The following MMP10 variants were observed in gnomAD, a reference collection of about 807,000 sequenced individuals.
MMP10 encodes matrix metallopeptidase 10.
In MMP10, 50 loss-of-function variants were observed where a neutral mutation model predicts 49.1. The ratio of observed to expected loss-of-function variants is 1.02; its 90% confidence interval spans 0.81 to 1.29. MMP10 has a LOEUF of 1.29. MMP10 is among the 50% of genes most tolerant of loss of function. The pLI, the probability that MMP10 is intolerant of heterozygous loss-of-function variation, is 0.00. For synonymous variants in MMP10, 229 were observed against 201.6 expected, an observed-to-expected ratio of 1.14 and a Z score of -1.15; for missense variants, 613 against 563.8, an observed-to-expected ratio of 1.09 and a Z score of -0.88.
chr11:102,777,900 T>C (rs889227831), intron 4 of MMP10, among the ~76,000 whole-genome samples: 7 of 151,664 alleles, frequency 4.6e-5, no homozygotes, highest in Admixed American at 2.0e-4. Context: ...CTCCATCTCC[T>C]GGGTTCAGTG....
In MMP10 at chr11:102,776,654, G is replaced by C. The variant is rs760322677; in HGVS notation, c.745C>G (p.Arg249Gly). The change falls in exon 5 of 10, where the codon CGC becomes GGC. Residue 249 changes from arginine (R) to glycine (G), a missense_variant. Arg to Gly is a moderately radical substitution (Grantham distance 125, BLOSUM62 -2). Coordinates refer to ENST00000279441, the MANE Select transcript of MMP10 (RefSeq NM_002425.3). ...YNSFTELAQF[R>G]LSQDDVNGIQ... is the part of the protein sequence containing the mutation. Reference sequence around the variant, plus strand: ...CCATTCACATCATCTTGCGAAAGGCGGAACTGGGCGAGCTCTGTGAATGAG... The same window carrying C: ...CCATTCACATCATCTTGCGAAAGGCCGAACTGGGCGAGCTCTGTGAATGAG... The C allele has an allele frequency of 1.3e-5, 21 of 1,613,504 alleles. No individual in the cohort carries two copies. The highest frequency in any genetic ancestry group is 1.8e-5 in the Non-Finnish European group (21 of 1,179,880).
intron 4 of MMP10, 79 bp downstream of exon 4, chr11:102,778,545 C>A: frequency 1.3e-6 from 2 of 1,541,694 alleles, no homozygotes; most frequent in South Asian, 2.4e-5. Context: ...CGATTTATTG[C>A]TCGTTCTAGA....
chr11:102,772,278 C>A lies in MMP10; in HGVS notation c.1227-163G>T, dbSNP rs1220728118. On this transcript the variant is annotated intron_variant, in intron 8 of 9. Transcript: ENST00000279441. The surrounding 1 kb of genome is among the most constrained non-coding windows in gnomAD (Gnocchi z 4.4). ...TAGAGCTACAAGAATAGGTTACTTT[C>A]CTGGGCTTACAAGTTTAACACATAA... Among the ~76,000 whole-genome samples, 1 of 152,130 alleles carries A rather than the reference C, an allele frequency of 6.6e-6. No homozygotes were observed. Among genetic ancestry groups the A allele is most frequent in the Non-Finnish European group, 1.5e-5 (1 of 68,030 alleles).
In MMP10 at chr11:102,775,208, T is replaced by A. The variant is rs1437804275; in HGVS notation, c.1046A>T (p.Asp349Val). 2 of 1,598,874 alleles carry A rather than the reference T, an allele frequency of 1.3e-6. No homozygotes were observed. Among genetic ancestry groups the A allele is most frequent in the Non-Finnish European group, 8.5e-7 (1 of 1,172,836 alleles). Residue 349 changes from aspartate (D) to valine (V), a missense_variant, in exon 7 of 10, where the codon GAC becomes GTC. Coordinates refer to ENST00000279441, the MANE Select transcript of MMP10 (RefSeq NM_002425.3). ...CTCACCTTTAAAAATAAAAACGGTG[T>A]CCCTGCTGTTAACTTCATATGCAGC... ...LDAAYEVNSR[D>V]TVFIFKGNEF...
chr11:102,771,424 T>C (rs1001036545), intron 9 of MMP10, among the ~76,000 whole-genome samples: 2 of 152,148 alleles, frequency 1.3e-5, no homozygotes, highest in South Asian at 2.1e-4. Flanking sequence ...CTCATGACCA[T>C]TGGATTGTCA....
In MMP10 at chr11:102,778,610, G is replaced by T. The variant is rs1439332460; in HGVS notation, c.622+14C>A. On this transcript the variant is annotated intron_variant, in intron 4 of 9. Transcript: ENST00000279441. Reference sequence around the variant, plus strand: ...CATTATTCCTGAAATGTTCCCGAGAGGTTTACGACCCACCTGATGCATCTT... The same window carrying T: ...CATTATTCCTGAAATGTTCCCGAGATGTTTACGACCCACCTGATGCATCTT... The T allele has an allele frequency of 1.2e-6, 2 of 1,613,092 alleles. No individual in the cohort carries two copies. Among genetic ancestry groups the T allele is most frequent in the Admixed American group, 3.4e-5 (2 of 59,656 alleles).
chr11:102,776,626 A>C lies in MMP10; in HGVS notation c.773T>G (p.Ile258Ser), dbSNP rs183383744. 16 of 1,613,232 alleles carry C rather than the reference A, an allele frequency of 9.9e-6. No individual in the cohort carries two copies. The Admixed American group carries it at 2.5e-4, about 25-fold the overall frequency. ...FRLSQDDVNG[I>S]QSLYGPPPAS... ...GCATCACTCACCGTAGAGAGACTGA[A>C]TGCCATTCACATCATCTTGCGAAAG... The change falls in exon 5 of 10, where the codon ATT (isoleucine) becomes AGT (serine). Residue 258 changes from isoleucine to serine, a missense_variant. By Grantham distance (142) the Ile-to-Ser change is moderately radical. Transcript: ENST00000279441.
chr11:102,776,373 G>C lies in MMP10; in HGVS notation c.839C>G (p.Pro280Arg). 2 of 1,613,894 alleles carry C rather than the reference G, an allele frequency of 1.2e-6. No homozygotes were observed. The highest frequency in any genetic ancestry group is 2.2e-5 in the South Asian group (2 of 91,070). ...EEPLVPTKSVPSGSEMPAKCD... is the reference protein window; with the variant it reads ...EEPLVPTKSVRSGSEMPAKCD... ...CTTGGCTGGCATCTCAGATCCCGAA[G>C]GAACAGATTTTGTGGGCACCAGGGG... is the stretch of plus-strand genomic sequence containing the variant. The change falls in exon 6 of 10, where the codon CCT (proline) becomes CGT (arginine). Residue 280 changes from proline (P) to arginine (R), a missense_variant. Coordinates refer to ENST00000279441, the MANE Select transcript of MMP10 (RefSeq NM_002425.3).
rs766370314 is a variant in MMP10, at chr11:102,779,768, G to A, written c.106-23C>T. 1.9e-6 allele frequency: 3 copies of A among 1,586,342 alleles called. No individual in the cohort carries two copies. The Admixed American group carries it at 5.3e-5, about 28-fold the overall frequency. On this transcript the variant is annotated intron_variant, in intron 1 of 9. Transcript: ENST00000279441. ...TTGCTAATGGAAAATAGAATTTTTA[G>A]GGCATTTTTGTGATTTTCCATCATT...
Position 102,772,082 on chromosome 11 carries a change from G to T in MMP10, c.1260C>A (p.Gly420=). The change falls in exon 9 of 10, where the codon GGC becomes GGA. Residue 420 remains glycine, a synonymous_variant. Transcript: ENST00000279441. This position sits in a 1 kb window ranked among gnomAD's most constrained non-coding sequence, Gnocchi z 4.4. ...FDENSQSMEQ[G]FPRLIADDFP... ...AGTCATCAGCTATTAGTCTAGGGAA[G>T]CCTTGCTCCATGGACTGGCTATTTT... 6.2e-7 allele frequency: 1 copy of T among 1,613,378 alleles called. No individual in the cohort carries two copies. Among genetic ancestry groups the T allele is most frequent in the Non-Finnish European group, 8.5e-7 (1 of 1,179,454 alleles).
chr11:102,776,894 G>A (rs373072381), intron 4 of MMP10, 118 bp from the exon 5 acceptor site: 8 of 1,198,702 alleles, frequency 6.7e-6, no homozygotes, highest in South Asian at 4.1e-5. Context: ...TTCAGTATTT[G>A]TGGATTGGTT....
At position 102,772,234 on chromosome 11, in the gene MMP10, A is replaced by G; in HGVS notation, c.1227-119T>C. On this transcript the variant is annotated intron_variant, in intron 8 of 9. Coordinates refer to ENST00000279441, the MANE Select transcript of MMP10 (RefSeq NM_002425.3). This position sits in a 1 kb window ranked among gnomAD's most constrained non-coding sequence, Gnocchi z 4.4. ...CTAGACAAACTTTTTAAGTTGTGTA[A>G]AAAAGTGTTAAACATTTTTAGAGCT... The G allele has an allele frequency of 3.2e-6, 2 of 616,836 alleles. No individual in the cohort carries two copies. Among genetic ancestry groups the G allele is most frequent in the South Asian group, 4.8e-5 (2 of 41,522 alleles). The allele number at this position is 616,836 out of a possible 1,614,324, so 38.2% of individuals were successfully genotyped here.
Position 102,779,611 on chromosome 11 carries a change from A to T in MMP10, c.240T>A (p.Thr80=), listed in dbSNP as rs1174556362. The change falls in exon 2 of 10, where the codon ACT becomes ACA. Residue 80 remains threonine (T), a synonymous_variant. Transcript: ENST00000279441. ...GCTTGCGCATCACCTCCAGAGTGTC[A>T]GTGTCTAGCTTCCCTGTCACCTCCA... ...LGLEVTGKLD[T]DTLEVMRKPR... The T allele has an allele frequency of 6.2e-7, 1 of 1,614,072 alleles. No homozygotes were observed. The highest frequency in any genetic ancestry group is 8.5e-7 in the Non-Finnish European group (1 of 1,180,012).
At position 102,775,441 on chromosome 11, in the gene MMP10, C is replaced by T. The variant is rs1477605548; in HGVS notation, c.933-120G>A. The stretch of plus-strand genomic sequence containing the variant: ...ATAGAAGTCTGTATTAAACCATCCT[C>T]CTGCATGTGATTCCAGGGTAATGAA... On this transcript the variant is annotated intron_variant, in intron 6 of 9. Coordinates refer to ENST00000279441, the MANE Select transcript of MMP10 (RefSeq NM_002425.3). 6 of 695,044 alleles carry T rather than the reference C, an allele frequency of 8.6e-6. No homozygotes were observed. In the East Asian group the frequency reaches 1.2e-4, roughly 14 times the overall value. The allele number at this position is 695,044 out of a possible 1,614,324, so 43.1% of individuals were successfully genotyped here.
At position 102,770,685 on chromosome 11, in the gene MMP10, C is replaced by T. The variant is rs1439244567; in HGVS notation, c.*108G>A. On this transcript the variant is annotated 3_prime_UTR_variant, in exon 10 of 10. Coordinates refer to ENST00000279441, the MANE Select transcript of MMP10 (RefSeq NM_002425.3). ...AGATATCTGCAAGGCTCATCTTCTTCAGTCACAGAACATGCAGGAAAAATT... is the reference window on the plus strand; with the variant it reads ...AGATATCTGCAAGGCTCATCTTCTTTAGTCACAGAACATGCAGGAAAAATT... The T allele has an allele frequency of 3.6e-5, 23 of 642,686 alleles. No homozygotes were observed. The highest frequency in any genetic ancestry group is 6.1e-5 in the Non-Finnish European group (23 of 377,704). 39.8% of individuals were successfully genotyped at this position (642,686 alleles called of 1,614,324 possible). A position where few individuals can be genotyped will look rare whatever the true frequency, so the allele number is the denominator to read the frequency against.
rs925072816 is a variant in MMP10, at chr11:102,779,643, G to A, written c.208C>T (p.Leu70Phe). The change falls in exon 2 of 10, where the codon CTT (leucine) becomes TTT (phenylalanine). Residue 70 changes from leucine to phenylalanine, a missense_variant. Transcript: ENST00000279441. ...VKKIQGMQKF[L>F]GLEVTGKLDT... ...AGCTTCCCTGTCACCTCCAACCCAA[G>A]GAACTTCTGCATTCCTTGGATTTTT... 10 of 1,613,784 alleles carry A rather than the reference G, an allele frequency of 6.2e-6. No homozygotes were observed. The African/African-American group carries it at 1.1e-4, about 17-fold the overall frequency.
At chr11:102,779,919 G>T (rs555548254) in intron 1 of MMP10, among the ~76,000 whole-genome samples, 174 bp from the exon 2 acceptor site, 3 of 152,258 alleles carry the variant, frequency 2.0e-5, no homozygotes, top group South Asian at 4.1e-4. Flanking sequence ...TTATTGCAAT[G>T]TTAGTTTGCT....
At chr11:102,775,404 A>C in intron 6 of MMP10, 83 bp from the exon 7 acceptor site, 1 of 1,145,458 alleles carries the variant, frequency 8.7e-7, no homozygotes, top group Non-Finnish European at 1.2e-6. Context: ...ATCCATGCTA[A>C]TTCACCCATT....
At position 102,776,369 on chromosome 11, in the gene MMP10, C is replaced by T. The variant is rs145128689; in HGVS notation, c.843G>A (p.Ser281=). 1.4e-5 allele frequency: 22 copies of T among 1,613,646 alleles called. No homozygotes were observed. Among genetic ancestry groups the T allele is most frequent in the African/African-American group, 8.0e-5 (6 of 74,844 alleles). Residue 281 remains serine (S), a synonymous_variant, in exon 6 of 10, where the codon TCG becomes TCA. Transcript: ENST00000279441. The part of the protein sequence containing the change: ...EPLVPTKSVP[S]GSEMPAKCDP... ...CACACTTGGCTGGCATCTCAGATCCCGAAGGAACAGATTTTGTGGGCACCA... is the reference window on the plus strand; with the variant it reads ...CACACTTGGCTGGCATCTCAGATCCTGAAGGAACAGATTTTGTGGGCACCA...
Sources: allele counts gnomAD v4.1 joint callset (sites outside exome capture counted in the v4.1 genomes callset), GRCh38; gene constraint gnomAD v4.1.1; non-coding constraint Gnocchi (gnomAD v3.1); transcripts MANE v1.5; gene names NCBI Gene and HGNC (gene_info 2026-07-23, HGNC 2026-07-21).